Variants in METTL15 observed in about 807,000 individuals in gnomAD.
The protein encoded by METTL15 is methyltransferase 15, mitochondrial 12S rRNA N4-cytidine.
METTL15 carries 34 observed loss-of-function variants against 38.3 expected under a neutral mutation model. The ratio of observed to expected loss-of-function variants is 0.89; its 90% CI spans 0.68 to 1.18. The LOEUF (loss-of-function observed/expected upper bound fraction) is 1.18, where lower values mean the gene tolerates loss of function less well. Among genes scored for constraint, METTL15 ranks in the 50% most tolerant of loss-of-function variants. METTL15 has a pLI of 0.00. For missense variants in METTL15, 438 were observed against 498.4 expected (o/e 0.88, Z 1.15); for synonymous variants, 162 against 170.9 (o/e 0.95, Z 0.41).
chr11:28,505,680 T>G (rs1401990756), intron 6 of METTL15, among the ~76,000 whole-genome samples: 1 of 152,238 alleles, frequency 6.6e-6, no homozygotes, highest in Non-Finnish European at 1.5e-5. Context: ...AATGTCTTAT[T>G]CATCTGGAAA....
chr11:28,377,352 C>CT (rs1850328293), intron 5 of METTL15, among the ~76,000 whole-genome samples: 1 of 152,106 alleles, frequency 6.6e-6, no homozygotes, highest in Admixed American at 6.5e-5. Context: ...GGAGGCTTTG[C>CT]CGTTTCCTTT....
At chr11:28,177,335 A>G (rs1851114703) in intron 3 of METTL15, among the ~76,000 whole-genome samples, 1 of 152,050 alleles carries the variant, frequency 6.6e-6, no homozygotes, top group African/African-American at 2.4e-5. Context: ...TTTTAAAAAA[A>G]GTACTTGGCC....
intron 4 of METTL15, among the ~76,000 whole-genome samples, chr11:28,216,457 G>C (rs1852874998): frequency 6.6e-6 from 1 of 152,024 alleles, no homozygotes; most frequent in Admixed American, 6.6e-5. Flanking sequence ...TCAAAATTTG[G>C]ATTCAAGAAT....
At chr11:28,298,725 A>G (rs957333457) in intron 6 of METTL15, among the ~76,000 whole-genome samples, 15 of 152,110 alleles carry the variant, frequency 9.9e-5, no homozygotes, top group Non-Finnish European at 1.9e-4. Flanking sequence ...TAAAACCTCA[A>G]TTTAGTAAAT....
chr11:28,207,875 A>G (rs1017154231), intron 3 of METTL15, among the ~76,000 whole-genome samples: 1 of 152,136 alleles, frequency 6.6e-6, no homozygotes, highest in Non-Finnish European at 1.5e-5. Context: ...CATTTCTTCT[A>G]GGTTTTCTAG....
chr11:28,237,618 C>T (rs1388746552), intron 4 of METTL15, among the ~76,000 whole-genome samples: 5 of 152,222 alleles, frequency 3.3e-5, no homozygotes, highest in African/African-American at 7.2e-5. Context: ...AGTCATTCTC[C>T]GTCCAGCTTT....
At chr11:28,189,665 G>A (rs1851629247) in intron 3 of METTL15, among the ~76,000 whole-genome samples, 1 of 151,166 alleles carries the variant, frequency 6.6e-6, no homozygotes, top group Admixed American at 6.6e-5. Flanking sequence ...TACAACTGGT[G>A]AATAGTTACA....
At chr11:28,218,818 A>C (rs1853037122) in intron 4 of METTL15, among the ~76,000 whole-genome samples, 2 of 152,066 alleles carry the variant, frequency 1.3e-5, no homozygotes, top group African/African-American at 2.4e-5. Flanking sequence ...TGAGATAATC[A>C]TGTGGTTTTT....
intron 4 of METTL15, among the ~76,000 whole-genome samples, chr11:28,253,241 C>A (rs187029405): frequency 2.9e-3 from 435 of 152,294 alleles, no homozygotes; most frequent in Non-Finnish European, 4.8e-3. Context: ...CCTCCATCCT[C>A]CATTTCCTAT....
rs78030790 is a variant in METTL15, at chr11:28,416,460, A to G, written c.*359-7839A>G. ...TCTGGGGCTAGAGCTCCAATTAAGT[A>G]TGTCCCCTTAGTCTCACATACTCCT... On this transcript the variant is annotated intron_variant and NMD_transcript_variant, in intron 5 of 7. Transcript: ENST00000532947. Among the ~76,000 whole-genome samples the G allele has an allele frequency of 1.6e-3, 237 of 152,296 alleles. 1 individual carries two copies. The East Asian group carries it at 0.028, about 18-fold the overall frequency.
chr11:28,380,622 T>C (rs1431748240), intron 5 of METTL15, among the ~76,000 whole-genome samples: 1 of 152,216 alleles, frequency 6.6e-6, no homozygotes, highest in African/African-American at 2.4e-5. Context: ...AATTTGTTGC[T>C]TTTTATGTTT....
intron 4 of METTL15, among the ~76,000 whole-genome samples, chr11:28,358,986 T>C (rs1308049472): frequency 6.6e-6 from 1 of 152,168 alleles, no homozygotes; most frequent in Non-Finnish European, 1.5e-5. Context: ...GTGACAGGTA[T>C]ATTGCAGGAT....
rs1024174937 is a variant in METTL15, at chr11:28,344,902, T to A, written c.*190-7188T>A. On this transcript the variant is annotated intron_variant and NMD_transcript_variant, in intron 3 of 7. Transcript: ENST00000532947. The stretch of plus-strand genomic sequence containing the variant: ...AGGAAAGTAAAATGAAACGTGAAAT[T>A]AATTTTAATAGTATAGTCTGTTTGA... 1.3e-5 allele frequency among the ~76,000 whole-genome samples: 2 copies of A among 152,224 alleles called. 1 individual carries two copies. Among genetic ancestry groups the A allele is most frequent in the African/African-American group, 4.8e-5 (2 of 41,472 alleles).
rs1852617654 is a variant in METTL15 at position 28,211,098 on chromosome 11, A to C, written c.307A>C (p.Thr103Pro). 1.2e-6 allele frequency: 2 copies of C among 1,611,920 alleles called. No homozygotes were observed. The highest frequency in any genetic ancestry group is 2.2e-5 in the East Asian group (1 of 44,808). The change falls in exon 4 of 7, where the codon ACA becomes CCA. Residue 103 changes from threonine (T) to proline (P), a missense_variant. Physicochemically the swap from Thr to Pro is conservative, Grantham distance 38 (BLOSUM62 -1). Transcript: ENST00000407364. Reference sequence around the variant, plus strand: ...TATGACATTTGGTTCGGGAGGGCACACAAAAGCCATTCTGCAGAAGGAGTC... The same window carrying C: ...TATGACATTTGGTTCGGGAGGGCACCCAAAAGCCATTCTGCAGAAGGAGTC... ...LDMTFGSGGHTKAILQKESDI... is the reference protein window; with the variant it reads ...LDMTFGSGGHPKAILQKESDI...
chr11:28,389,694 G>A (rs1051122958), intron 5 of METTL15, among the ~76,000 whole-genome samples: 48 of 151,742 alleles, frequency 3.2e-4, no homozygotes, highest in African/African-American at 6.3e-4. Context: ...ATAAACATAC[G>A]TGTGCATGTG....
chr11:28,220,503 G>A (rs749355414), intron 4 of METTL15, among the ~76,000 whole-genome samples: 49 of 152,232 alleles, frequency 3.2e-4, no homozygotes, highest in Middle Eastern at 3.4e-3. Context: ...GATGAGTCTT[G>A]ACTCTTTATC....
chr11:28,193,231 A>G (rs900850646), intron 3 of METTL15, among the ~76,000 whole-genome samples: 1 of 152,116 alleles, frequency 6.6e-6, no homozygotes, highest in African/African-American at 2.4e-5. Context: ...TCACACTGCT[A>G]TAAAGAAATA....
At chr11:28,397,996 C>A (rs1272804689) in intron 5 of METTL15, among the ~76,000 whole-genome samples, 1 of 151,850 alleles carries the variant, frequency 6.6e-6, no homozygotes, top group Non-Finnish European at 1.5e-5. Context: ...GGACAAAAAA[C>A]CAAAACACCG....
At chr11:28,171,685 C>T (rs1850863197) in intron 3 of METTL15, among the ~76,000 whole-genome samples, 1 of 151,968 alleles carries the variant, frequency 6.6e-6, no homozygotes, top group Non-Finnish European at 1.5e-5. Flanking sequence ...ACCTCATATT[C>T]TTGAATGTTT....
Sources: allele counts gnomAD v4.1 joint callset (sites outside exome capture counted in the v4.1 genomes callset), GRCh38; gene constraint gnomAD v4.1.1; transcripts MANE v1.5; gene names NCBI Gene and HGNC (gene_info 2026-07-23, HGNC 2026-07-21).